DSCAM: variants seen among roughly 807,000 people sequenced by gnomAD.
DSCAM encodes the protein cell adhesion molecule DSCAM.
In DSCAM, 47 loss-of-function variants were observed where a neutral mutation model predicts 217.7. That is an observed-to-expected ratio of 0.22 (90% CI 0.17 to 0.28). The LOEUF (loss-of-function observed/expected upper bound fraction) is 0.28, where lower values mean the gene tolerates loss of function less well. Among genes scored for constraint, DSCAM ranks in the 10% least tolerant of loss-of-function variants. The pLI is 1.00. For missense variants in DSCAM, 2,080 were observed against 2,618.3 expected, an observed-to-expected ratio of 0.79 and a Z score of 4.49; for synonymous variants, 1,056 against 1,015.3, an observed-to-expected ratio of 1.04 and a Z score of -0.76.
intron 1 of DSCAM, among the ~76,000 whole-genome samples, chr21:40,716,191 A>T (rs2090840641): frequency 1.3e-5 from 2 of 152,194 alleles, no homozygotes. Flanking sequence ...CTCATTCTCT[A>T]AGAGACACAT....
chr21:40,228,276 G>A lies in DSCAM; in HGVS notation c.2357-39038C>T, dbSNP rs75534758. ...CTTTCCATGTCGTCCTTTCTGGAAG[G>A]AAGTCGCTCTGCAAAGCCCACACAT... On this transcript the variant is annotated intron_variant, in intron 11 of 32. Coordinates refer to ENST00000400454, the MANE Select transcript of DSCAM (RefSeq NM_001389.5). 1.1e-4 allele frequency among the ~76,000 whole-genome samples: 16 copies of A among 152,268 alleles called. No individual in the cohort carries two copies. In the East Asian group the frequency reaches 3.1e-3, roughly 29 times the overall value.
intron 11 of DSCAM, among the ~76,000 whole-genome samples, chr21:40,190,086 G>T (rs551326344): frequency 6.6e-6 from 1 of 152,218 alleles, no homozygotes; most frequent in South Asian, 2.1e-4. Flanking sequence ...CCTCAAACCT[G>T]TCCTTCTTCC....
chr21:40,818,415 G>A (rs1220880733), intron 1 of DSCAM, among the ~76,000 whole-genome samples: 12 of 150,872 alleles, frequency 8.0e-5, no homozygotes, highest in African/African-American at 2.4e-4. Context: ...GTGTGGTGGC[G>A]GGCGCCTGTA....
At chr21:40,235,390 T>C (rs1343080216) in intron 11 of DSCAM, among the ~76,000 whole-genome samples, 1 of 152,220 alleles carries the variant, frequency 6.6e-6, no homozygotes, top group Non-Finnish European at 1.5e-5. Flanking sequence ...GAGGCATTTA[T>C]TTTCTTTCGC....
At chr21:40,526,057 G>C (rs927688683) in intron 3 of DSCAM, among the ~76,000 whole-genome samples, 1 of 152,010 alleles carries the variant, frequency 6.6e-6, no homozygotes, top group Non-Finnish European at 1.5e-5. Flanking sequence ...TCCCATGTCC[G>C]TTCCCCAATT....
rs1026918419 is a variant in DSCAM, at chr21:40,312,476, T to C, written c.1784-117A>G. On this transcript the variant is annotated intron_variant, in intron 8 of 32. Coordinates refer to ENST00000400454, the MANE Select transcript of DSCAM (RefSeq NM_001389.5). ...GACGATCATAGATACAGCATAGAAATACAGGAACTGTAGCAAATTTGAAAT... is the reference window on the plus strand; with the variant it reads ...GACGATCATAGATACAGCATAGAAACACAGGAACTGTAGCAAATTTGAAAT... 1.0e-4 allele frequency: 121 copies of C among 1,157,948 alleles called. No homozygotes were observed. In the African/African-American group the frequency reaches 1.7e-3, roughly 17 times the overall value. The allele number at this position is 1,157,948 out of a possible 1,614,324, so 71.7% of individuals were successfully genotyped here. A position where few individuals can be genotyped will look rare whatever the true frequency, so the allele number is the denominator to read the frequency against.
chr21:40,739,954 ATTTTTTTT>A (rs56815777), intron 1 of DSCAM, among the ~76,000 whole-genome samples: 95 of 58,980 alleles, frequency 1.6e-3, no homozygotes, highest in African/African-American at 5.4e-3. Flanking sequence ...TGCAGGTGTA[ATTTTTTTT>A]TTTTTTTTTT....
chr21:40,031,491 CA>C (rs1398149810), intron 32 of DSCAM, among the ~76,000 whole-genome samples: 2 of 152,202 alleles, frequency 1.3e-5, no homozygotes, highest in Admixed American at 6.5e-5. Flanking sequence ...TAACACTCCT[CA>C]CAGTCTCATT....
chr21:40,335,441 T>G (rs2074420570), intron 8 of DSCAM, among the ~76,000 whole-genome samples: 1 of 152,224 alleles, frequency 6.6e-6, no homozygotes, highest in Non-Finnish European at 1.5e-5. Context: ...CTAGTTTGAG[T>G]TGGTTTCTGT....
intron 3 of DSCAM, among the ~76,000 whole-genome samples, chr21:40,561,808 T>A (rs1270179019): frequency 2.0e-5 from 3 of 152,146 alleles, no homozygotes; most frequent in Non-Finnish European, 4.4e-5. Context: ...TGGCAGTTCC[T>A]GACATCACTT....
At chr21:40,669,366 A>G (rs1183517217) in intron 3 of DSCAM, among the ~76,000 whole-genome samples, 1 of 152,156 alleles carries the variant, frequency 6.6e-6, no homozygotes, top group Non-Finnish European at 1.5e-5. Context: ...CACGTGCCCA[A>G]AGAGTAATTA....
intron 11 of DSCAM, among the ~76,000 whole-genome samples, chr21:40,194,838 T>A (rs2090990499): frequency 6.6e-6 from 1 of 152,152 alleles, no homozygotes; most frequent in South Asian, 2.1e-4. Flanking sequence ...CCCATTTAGC[T>A]TGAAATTGGC....
At chr21:40,360,138 T>TC (rs2074744047) in intron 4 of DSCAM, among the ~76,000 whole-genome samples, 1 of 137,764 alleles carries the variant, frequency 7.3e-6, no homozygotes, top group African/African-American at 2.7e-5. Flanking sequence ...TTTTTTTTTT[T>TC]TTTTTTTTTT....
intron 6 of DSCAM, among the ~76,000 whole-genome samples, chr21:40,339,893 T>C (rs1283790795): frequency 3.6e-5 from 2 of 56,294 alleles, no homozygotes; most frequent in Non-Finnish European, 9.3e-5. Context: ...ATTTGGGGTT[T>C]TCTCACTAGG....
intron 3 of DSCAM, among the ~76,000 whole-genome samples, chr21:40,511,794 A>T (rs1169495698): frequency 6.6e-6 from 1 of 151,680 alleles, no homozygotes; most frequent in Non-Finnish European, 1.5e-5. Flanking sequence ...GATCGAGACC[A>T]TTCTGGCTAA....
chr21:40,729,605 AAAAC>A (rs1329396964), intron 1 of DSCAM, among the ~76,000 whole-genome samples: 2 of 152,216 alleles, frequency 1.3e-5, no homozygotes, highest in Non-Finnish European at 2.9e-5. Flanking sequence ...CAGCCACACA[AAAAC>A]AAGACAACTC....
chr21:40,413,139 G>A (rs1319807740), intron 3 of DSCAM, among the ~76,000 whole-genome samples: 2 of 152,244 alleles, frequency 1.3e-5, no homozygotes, highest in African/African-American at 4.8e-5. Context: ...GTTTGCTGCA[G>A]GGGCAGGGCC....
At chr21:40,154,269 T>C (rs1332684208) in intron 16 of DSCAM, among the ~76,000 whole-genome samples, 2 of 151,712 alleles carry the variant, frequency 1.3e-5, no homozygotes, top group East Asian at 3.9e-4. Context: ...TTTTCTTTCT[T>C]TTTCACAGGG....
chr21:40,745,770 T>C (rs1184453078), intron 1 of DSCAM, among the ~76,000 whole-genome samples: 1 of 152,116 alleles, frequency 6.6e-6, no homozygotes, highest in Non-Finnish European at 1.5e-5. Context: ...ACTATAATAT[T>C]GTAATTGTGG....
Sources: gnomAD v4.1 joint callset for allele counts (sites outside exome capture counted in the v4.1 genomes callset) on GRCh38, gnomAD v4.1.1 for gene constraint, MANE v1.5 for transcripts, NCBI Gene and HGNC (gene_info 2026-07-23, HGNC 2026-07-21) for gene names.